ZFHX3: variants seen among roughly 807,000 people sequenced by gnomAD.
The protein encoded by ZFHX3 is zinc finger homeobox 3, also known as zinc finger homeobox protein 3.
In ZFHX3, 42 loss-of-function variants were observed where a neutral mutation model predicts 279.1. That is an observed-to-expected ratio of 0.15 (90% CI 0.12 to 0.19). The LOEUF (loss-of-function observed/expected upper bound fraction) is 0.19, where lower values mean the gene tolerates loss of function less well. Among genes scored for constraint, ZFHX3 ranks in the 10% least tolerant of loss-of-function variants. ZFHX3 has a pLI of 1.00. For synonymous variants in ZFHX3, 2,293 were observed against 1,957.8 expected (o/e 1.17, Z -4.52); for missense variants, 4,981 against 4,754.0 (o/e 1.05, Z -1.40).
intron 4 of ZFHX3, among the ~76,000 whole-genome samples, chr16:72,854,888 GAA>G (rs59760936): frequency 2.3e-5 from 2 of 87,608 alleles, no homozygotes; most frequent in Non-Finnish European, 4.3e-5. Context: ...AAAATGGAAA[GAA>G]AAAAAAAATC....
chr16:72,874,873 T>C (rs945241986), intron 4 of ZFHX3, among the ~76,000 whole-genome samples: 10 of 152,150 alleles, frequency 6.6e-5, no homozygotes, highest in African/African-American at 2.2e-4. Context: ...TAACCTTTTT[T>C]TCCCCCACCT....
At chr16:72,866,707 T>A (rs778018958) in intron 4 of ZFHX3, among the ~76,000 whole-genome samples, 8 of 152,180 alleles carry the variant, frequency 5.3e-5, no homozygotes, top group Non-Finnish European at 8.8e-5. Context: ...TGGGTCTAAG[T>A]AGAATGTCCA....
intron 3 of ZFHX3, among the ~76,000 whole-genome samples, chr16:72,937,664 G>A (rs1312527089): frequency 6.6e-6 from 1 of 152,186 alleles, no homozygotes; most frequent in Non-Finnish European, 1.5e-5. Context: ...GCTACACCCC[G>A]CAGCTGCTCC....
intron 2 of ZFHX3, among the ~76,000 whole-genome samples, chr16:73,462,709 G>A (rs2018493601): frequency 6.6e-6 from 1 of 151,958 alleles, no homozygotes; most frequent in African/African-American, 2.4e-5. Context: ...TAATATGGTG[G>A]ATTATATTGA....
At chr16:73,608,748 G>A (rs1245804097) in intron 2 of ZFHX3, 1 of 152,114 alleles carries the variant, frequency 6.6e-6, no homozygotes, top group Non-Finnish European at 1.5e-5. Context: ...ATGTTTGTCA[G>A]CCTTGGTCCA....
chr16:72,811,580 CATA>C lies in ZFHX3; in HGVS notation c.3858_3860del (p.Ile1286del). On this transcript the variant is annotated inframe_deletion, in exon 7 of 10. Transcript: ENST00000268489. ...GTGCTGCTCCTGGCTGCCTTACCGT[CATA>C]ATGAGCTTCTCCACGCAGTCAGGTG... The C allele has an allele frequency of 7.6e-6, 12 of 1,589,322 alleles. No homozygotes were observed. Among genetic ancestry groups the C allele is most frequent in the Non-Finnish European group, 1.0e-5 (12 of 1,165,180 alleles).
intron 1 of ZFHX3, among the ~76,000 whole-genome samples, chr16:73,744,222 C>T (rs922868333): frequency 1.3e-5 from 2 of 152,194 alleles, no homozygotes; most frequent in African/African-American, 2.4e-5. Flanking sequence ...TATTAATTTA[C>T]GCTCATTATC....
chr16:73,205,451 T>C (rs1269699824), intron 5 of ZFHX3, among the ~76,000 whole-genome samples: 1 of 152,196 alleles, frequency 6.6e-6, no homozygotes, highest in East Asian at 1.9e-4. Context: ...AGTTAGCTGG[T>C]AAATTATCTG....
intron 3 of ZFHX3, among the ~76,000 whole-genome samples, chr16:72,922,471 A>G (rs925299727): frequency 6.6e-6 from 1 of 152,174 alleles, no homozygotes; most frequent in African/African-American, 2.4e-5. Context: ...GTGGCAATGA[A>G]GAGGACAAAT....
chr16:72,934,004 G>C (rs889411348), intron 3 of ZFHX3, among the ~76,000 whole-genome samples: 2 of 151,922 alleles, frequency 1.3e-5, no homozygotes, highest in African/African-American at 4.8e-5. Context: ...ATTTTTAGTA[G>C]AGATGGGGTT....
chr16:73,053,791 G>C (rs371446235), intron 1 of ZFHX3, among the ~76,000 whole-genome samples: 1 of 152,168 alleles, frequency 6.6e-6, no homozygotes, highest in Admixed American at 6.5e-5. Flanking sequence ...AAGGCAAGGC[G>C]GGGGTAGGGA....
intron 1 of ZFHX3, among the ~76,000 whole-genome samples, chr16:72,977,573 C>A (rs1400005396): frequency 8.0e-6 from 1 of 125,498 alleles, no homozygotes; most frequent in Non-Finnish European, 1.8e-5. Context: ...ACTATTAGTT[C>A]CCTGTCGTGG....
At chr16:73,777,754 G>A (rs1457121539) in intron 1 of ZFHX3, among the ~76,000 whole-genome samples, 2 of 152,058 alleles carry the variant, frequency 1.3e-5, no homozygotes, top group Non-Finnish European at 2.9e-5. Flanking sequence ...GCTATGTCTG[G>A]GTGACATGTT....
At chr16:72,870,640 C>T (rs910907594) in intron 4 of ZFHX3, among the ~76,000 whole-genome samples, 2 of 150,596 alleles carry the variant, frequency 1.3e-5, no homozygotes, top group African/African-American at 4.9e-5. Flanking sequence ...ATGGCATGAA[C>T]CCAGGAGGCG....
chr16:73,320,165 G>C (rs942310719), intron 3 of ZFHX3, among the ~76,000 whole-genome samples: 1 of 152,182 alleles, frequency 6.6e-6, no homozygotes, highest in Non-Finnish European at 1.5e-5. Flanking sequence ...TCAGTCGAGG[G>C]CCTGGGATTC....
Position 72,930,777 on chromosome 16 carries a change from G to T in ZFHX3, c.3216+19692C>A, listed in dbSNP as rs144442285. 5.6e-4 allele frequency among the ~76,000 whole-genome samples: 85 copies of T among 152,270 alleles called. 1 individual carries two copies. The East Asian group carries it at 0.013, about 22-fold the overall frequency. On this transcript the variant is annotated intron_variant, in intron 3 of 9. Coordinates refer to ENST00000268489, the MANE Select transcript of ZFHX3 (RefSeq NM_006885.4). ...CAAAATAAGGAAGATTACGGTTCTG[G>T]TAAGAATAAATGACCAAATCATTAC...
intron 2 of ZFHX3, among the ~76,000 whole-genome samples, chr16:73,672,574 A>G (rs1357181666): frequency 2.0e-5 from 3 of 152,202 alleles, no homozygotes; most frequent in Admixed American, 6.5e-5. Context: ...AATTAGTAAT[A>G]TAGAAACTGA....
At chr16:72,973,624 A>T (rs1173689479) in intron 1 of ZFHX3, 1 of 152,286 alleles carries the variant, frequency 6.6e-6, no homozygotes, top group Non-Finnish European at 1.5e-5. Flanking sequence ...CACACTTGTA[A>T]TCCCAGCACT....
chr16:72,958,073 C>G lies in ZFHX3; in HGVS notation c.2073G>C (p.Lys691Asn). 1 of 1,614,042 alleles carries G rather than the reference C, an allele frequency of 6.2e-7. No individual in the cohort carries two copies. Among genetic ancestry groups the G allele is most frequent in the East Asian group, 2.2e-5 (1 of 44,872 alleles). ...KYQQTLEAHMKEKHPEPGGSC... is the reference protein window; with the variant it reads ...KYQQTLEAHMNEKHPEPGGSC... ...AGCCCCCCGGCTCCGGGTGCTTCTC[C>G]TTCATGTGTGCCTCCAGGGTCTGCT... Residue 691 changes from lysine to asparagine, a missense_variant, in exon 2 of 10, where the codon AAG becomes AAC. Physicochemically the swap from Lys to Asn is moderately conservative, Grantham distance 94. Transcript: ENST00000268489.
Sources: gnomAD v4.1 joint callset for allele counts (sites outside exome capture counted in the v4.1 genomes callset) on GRCh38, gnomAD v4.1.1 for gene constraint, MANE v1.5 for transcripts, NCBI Gene and HGNC (gene_info 2026-07-23, HGNC 2026-07-21) for gene names.